MALRD1: variants seen among roughly 807,000 people sequenced by gnomAD.
The protein encoded by MALRD1 is MAM and LDL-receptor class A domain-containing protein 1.
Under a neutral mutation model 242.1 loss-of-function variants are expected in MALRD1, and 247 were observed. That is an observed-to-expected ratio of 1.02 (90% CI 0.92 to 1.13). The LOEUF (loss-of-function observed/expected upper bound fraction) is 1.13. MALRD1 is among the 50% of genes most tolerant of loss of function. The pLI, the probability that MALRD1 is intolerant of heterozygous loss-of-function variation, is 0.00. For missense variants in MALRD1, 2,989 were observed against 2,533.1 expected, an observed-to-expected ratio of 1.18 and a Z score of -3.86; for synonymous variants, 995 against 866.6, an observed-to-expected ratio of 1.15 and a Z score of -2.60.
chr10:19,186,244 C>A (rs1239589079), intron 14 of MALRD1, among the ~76,000 whole-genome samples: 1 of 152,080 alleles, frequency 6.6e-6, no homozygotes, highest in Non-Finnish European at 1.5e-5. Flanking sequence ...AAAATCTAGA[C>A]AACTATTTTC....
rs1836375451 is a variant in MALRD1, at chr10:19,104,010, A to G, written c.629A>G (p.Tyr210Cys). 8.1e-7 allele frequency: 1 copy of G among 1,233,836 alleles called. No homozygotes were observed. Among genetic ancestry groups the G allele is most frequent in the Non-Finnish European group, 1.0e-6 (1 of 988,112 alleles). The allele number at this position is 1,233,836 out of a possible 1,614,324, so 76.4% of individuals were successfully genotyped here. ...VVFEGQMAST[Y>C]EQDEVIAIDD... ...TTTGAAGGTCAAATGGCTTCAACGT[A>G]TGAACAGGATGAAGTCATTGCTATT... is the stretch of plus-strand genomic sequence containing the variant. Residue 210 changes from tyrosine (Y) to cysteine (C), a missense_variant, in exon 5 of 40, where the codon TAT becomes TGT. Physicochemically the swap from Tyr to Cys is radical, Grantham distance 194 (BLOSUM62 -2). Coordinates refer to ENST00000454679, the MANE Select transcript of MALRD1 (RefSeq NM_001142308.3).
intron 36 of MALRD1, among the ~76,000 whole-genome samples, chr10:19,657,763 T>A (rs1841231580): frequency 2.0e-5 from 3 of 152,092 alleles, no homozygotes; most frequent in Non-Finnish European, 2.9e-5. Context: ...CCTCACAGGG[T>A]TTTTTTGTTA....
At position 19,087,805 on chromosome 10, in the gene MALRD1, GT is replaced by G. The variant is rs5783650; in HGVS notation, c.341-26del. 2,128 of 1,070,554 alleles carry G rather than the reference GT, an allele frequency of 2.0e-3. 34 individuals are homozygous for G. In the African/African-American group the frequency reaches 0.031, roughly 16 times the overall value. The allele number at this position is 1,070,554 out of a possible 1,614,324, so 66.3% of individuals were successfully genotyped here. On this transcript the variant is annotated intron_variant, in intron 2 of 39. Coordinates refer to ENST00000454679, the MANE Select transcript of MALRD1 (RefSeq NM_001142308.3). Reference sequence around the variant, plus strand: ...TAGTAGGTCTTATTCATTCTTTCTGGTTTTTTTTTGTACCCTGTCTCTTCTT... The same window carrying G: ...TAGTAGGTCTTATTCATTCTTTCTGGTTTTTTTTGTACCCTGTCTCTTCTT...
At chr10:19,658,136 G>A (rs527474706) in intron 36 of MALRD1, among the ~76,000 whole-genome samples, 2 of 151,764 alleles carry the variant, frequency 1.3e-5, no homozygotes, top group South Asian at 2.1e-4. Context: ...CAACAAGAGC[G>A]AAACTCAATC....
At chr10:19,124,146 G>A (rs887783036) in intron 6 of MALRD1, among the ~76,000 whole-genome samples, 1 of 151,986 alleles carries the variant, frequency 6.6e-6, no homozygotes, top group African/African-American at 2.4e-5. Flanking sequence ...GAGCCCAGGA[G>A]TTTAAGGCTA....
rs893223316 is a variant in MALRD1 at position 19,679,276 on chromosome 10, T to C, written c.6138-13006T>C. Among the ~76,000 whole-genome samples, 6 of 152,184 alleles carry C rather than the reference T, an allele frequency of 3.9e-5. No homozygotes were observed. In the South Asian group the frequency reaches 1.0e-3, roughly 26 times the overall value. On this transcript the variant is annotated intron_variant, in intron 36 of 39. Transcript: ENST00000454679. ...ACCTCTGGTAGAATTCAGTAGTAAA[T>C]TCAACTGGTCGTGGGCTTTTATTTG... is the stretch of plus-strand genomic sequence containing the variant.
At chr10:19,585,978 A>G (rs1249167008) in intron 33 of MALRD1, among the ~76,000 whole-genome samples, 6 of 151,980 alleles carry the variant, frequency 3.9e-5, no homozygotes, top group South Asian at 2.1e-4. Context: ...CATTCATTTC[A>G]TCTTCCATCG....
At chr10:19,510,229 GT>G (rs1564401606) in intron 31 of MALRD1, among the ~76,000 whole-genome samples, 1 of 152,186 alleles carries the variant, frequency 6.6e-6, no homozygotes, top group African/African-American at 2.4e-5. Flanking sequence ...ATACAATCGA[GT>G]TTTACACTGA....
At chr10:19,139,901 G>C (rs12779141) in intron 10 of MALRD1, among the ~76,000 whole-genome samples, 55,680 of 151,892 alleles carry the variant, frequency 0.37, 10,470 homozygotes, top group Admixed American at 0.4. Context: ...AAAGAGGCTT[G>C]AGGAAGGAAG....
chr10:19,173,882 G>A (rs781004668), intron 13 of MALRD1, among the ~76,000 whole-genome samples: 3 of 152,074 alleles, frequency 2.0e-5, no homozygotes, highest in Non-Finnish European at 2.9e-5. Context: ...TGTATCATAC[G>A]AAGTGTAGGA....
At chr10:19,452,775 T>G (rs1312688208) in intron 29 of MALRD1, among the ~76,000 whole-genome samples, 1 of 152,140 alleles carries the variant, frequency 6.6e-6, no homozygotes, top group Non-Finnish European at 1.5e-5. Flanking sequence ...AGTTGCCACT[T>G]CAGATGGTGA....
chr10:19,602,323 CTCCT>C (rs1320939437), intron 34 of MALRD1, among the ~76,000 whole-genome samples: 2 of 150,314 alleles, frequency 1.3e-5, no homozygotes, highest in Admixed American at 6.6e-5. Flanking sequence ...TTAGGTATAT[CTCCT>C]AATGCTATCC....
At chr10:19,148,716 C>T (rs991828999) in intron 11 of MALRD1, among the ~76,000 whole-genome samples, 14 of 148,598 alleles carry the variant, frequency 9.4e-5, no homozygotes, top group African/African-American at 3.5e-4. Flanking sequence ...GGCAGCTGGT[C>T]TCACCCAGAG....
rs776000374 is a variant in MALRD1, at chr10:19,387,751, C to T, written c.4665C>T (p.Asp1555=). 6.5e-6 allele frequency: 10 copies of T among 1,548,672 alleles called. No individual in the cohort carries two copies. Among genetic ancestry groups the T allele is most frequent in the Middle Eastern group, 1.7e-4 (1 of 5,998 alleles). ...ATCAAAGCTTAAGACCTCCCAAAGA[C>T]CACACACTTGGAAATGAAAATGGTA... The part of the protein sequence containing the change: ...GSHQSLRPPK[D]HTLGNENGHF... Residue 1555 remains aspartate (D), a synonymous_variant, in exon 27 of 40, where the codon GAC becomes GAT. Transcript: ENST00000454679.
rs74395274 is a variant in MALRD1 at position 19,552,832 on chromosome 10, C to A, written c.5479-14670C>A. ...CAAGTTCTGCTCTCCTGCCCTCCTT[C>A]TCCATGATGCTTCCAGTCCACATGT... On this transcript the variant is annotated intron_variant, in intron 32 of 39. Coordinates refer to ENST00000454679, the MANE Select transcript of MALRD1 (RefSeq NM_001142308.3). Among the ~76,000 whole-genome samples, 934 of 152,216 alleles carry A rather than the reference C, an allele frequency of 6.1e-3. 8 individuals carry two copies. The highest frequency in any genetic ancestry group is 0.057 in the East Asian group (296 of 5,180).
At chr10:19,248,389 A>C (rs1282456933) in intron 18 of MALRD1, among the ~76,000 whole-genome samples, 1 of 137,072 alleles carries the variant, frequency 7.3e-6, no homozygotes, top group Non-Finnish European at 1.6e-5. Context: ...TTAAGGTGCC[A>C]TGAAAAAAAA....
chr10:19,106,028 T>A (rs1836449666), intron 5 of MALRD1, among the ~76,000 whole-genome samples: 1 of 151,912 alleles, frequency 6.6e-6, no homozygotes, highest in Non-Finnish European at 1.5e-5. Context: ...TGTAATCTCA[T>A]TTTTTTAAAA....
intron 36 of MALRD1, among the ~76,000 whole-genome samples, chr10:19,662,946 A>G (rs1350085537): frequency 6.6e-6 from 1 of 152,160 alleles, no homozygotes; most frequent in East Asian, 1.9e-4. Flanking sequence ...CCCTCAGAAA[A>G]GGAGTATACC....
chr10:19,554,902 A>G (rs1835648370), intron 32 of MALRD1, among the ~76,000 whole-genome samples: 1 of 152,098 alleles, frequency 6.6e-6, no homozygotes, highest in South Asian at 2.1e-4. Context: ...TCCTTTGGGT[A>G]TATACCCACT....
Sources: gnomAD v4.1 joint callset for allele counts (sites outside exome capture counted in the v4.1 genomes callset) on GRCh38, gnomAD v4.1.1 for gene constraint, MANE v1.5 for transcripts, NCBI Gene and HGNC (gene_info 2026-07-23, HGNC 2026-07-21) for gene names.